The following FILIP1L variants were observed in gnomAD, a reference collection of about 807,000 sequenced individuals.
FILIP1L encodes the protein filamin A interacting protein 1 like.
A neutral mutation model predicts 96.6 loss-of-function variants in FILIP1L; 55 were observed. That is an observed-to-expected ratio of 0.57 (90% CI 0.46 to 0.71). FILIP1L has a LOEUF of 0.71. Ranked by LOEUF, FILIP1L falls within the 30% of genes least tolerant of loss-of-function variation. FILIP1L has a pLI of 0.00. For synonymous variants in FILIP1L, 467 were observed against 473.9 expected, an observed-to-expected ratio of 0.99 and a Z score of 0.19; for missense variants, 1,304 against 1,321.2, an observed-to-expected ratio of 0.99 and a Z score of 0.20.
At chr3:99,924,047 CA>C (rs1707208981) in intron 4 of FILIP1L, among the ~76,000 whole-genome samples, 182 bp downstream of exon 4, 1 of 152,240 alleles carries the variant, frequency 6.6e-6, no homozygotes, top group South Asian at 2.1e-4. Flanking sequence ...GTCCTTATCA[CA>C]CATCTGGTTA....
chr3:100,103,683 G>T (rs918165050), intron 1 of FILIP1L, among the ~76,000 whole-genome samples: 3 of 152,146 alleles, frequency 2.0e-5, no homozygotes, highest in Admixed American at 6.5e-5. Flanking sequence ...GCCATGGAAT[G>T]GTCTCTTCCA....
intron 1 of FILIP1L, among the ~76,000 whole-genome samples, chr3:99,983,145 G>T (rs2107735325): frequency 6.6e-6 from 1 of 151,586 alleles, no homozygotes; most frequent in South Asian, 2.1e-4. Flanking sequence ...CTTGCCTTAA[G>T]TGCCATTTGA....
intron 1 of FILIP1L, among the ~76,000 whole-genome samples, chr3:99,961,634 C>T (rs991167100): frequency 2.0e-4 from 30 of 152,144 alleles, no homozygotes; most frequent in African/African-American, 5.3e-4. Context: ...TCCTGGGAAC[C>T]GATACCTTTG....
At chr3:100,072,689 G>A (rs375279025) in intron 1 of FILIP1L, among the ~76,000 whole-genome samples, 22 of 152,296 alleles carry the variant, frequency 1.4e-4, no homozygotes, top group African/African-American at 5.3e-4. Context: ...CTTGAACACA[G>A]CTGAAATACA....
intron 1 of FILIP1L, among the ~76,000 whole-genome samples, chr3:99,969,728 A>C (rs1708759692): frequency 6.6e-6 from 1 of 152,150 alleles, no homozygotes; most frequent in Non-Finnish European, 1.5e-5. Flanking sequence ...CTAGATAATT[A>C]GTTGCAGGGT....
At chr3:99,938,210 TC>T (rs1050953242) in intron 1 of FILIP1L, among the ~76,000 whole-genome samples, 9 of 152,238 alleles carry the variant, frequency 5.9e-5, no homozygotes, top group Non-Finnish European at 1.0e-4. Flanking sequence ...TGATCTGCTA[TC>T]CCTCACCCCC....
chr3:100,094,691 T>C (rs2066172187), intron 1 of FILIP1L, among the ~76,000 whole-genome samples: 1 of 136,908 alleles, frequency 7.3e-6, no homozygotes, highest in Non-Finnish European at 1.6e-5. Context: ...TTTTTTTTTT[T>C]TTTTTTTTTT....
At chr3:99,835,696 A>G (rs1355082435) in intron 5 of FILIP1L, among the ~76,000 whole-genome samples, 1 of 152,234 alleles carries the variant, frequency 6.6e-6, no homozygotes, top group South Asian at 2.1e-4. Flanking sequence ...AAGGAGTTCA[A>G]AAATAAATGA....
intron 5 of FILIP1L, chr3:99,833,312 C>A: frequency 6.7e-7 from 1 of 1,490,318 alleles, no homozygotes; most frequent in East Asian, 2.3e-5. Flanking sequence ...ATATTAAATT[C>A]TAAAAGTGTT....
At chr3:99,886,443 A>G (rs1283441294) in intron 4 of FILIP1L, among the ~76,000 whole-genome samples, 2 of 152,018 alleles carry the variant, frequency 1.3e-5, no homozygotes, top group African/African-American at 2.4e-5. Flanking sequence ...AAAAAATCTC[A>G]TGTTTTAAGA....
intron 4 of FILIP1L, among the ~76,000 whole-genome samples, chr3:99,865,090 T>C (rs1944449212): frequency 6.6e-6 from 1 of 152,194 alleles, no homozygotes; most frequent in Non-Finnish European, 1.5e-5. Context: ...AACTAAGCAA[T>C]AGACATATAG....
At chr3:99,919,364 C>CT (rs1312545826) in intron 4 of FILIP1L, among the ~76,000 whole-genome samples, 1 of 149,870 alleles carries the variant, frequency 6.7e-6, no homozygotes, top group Non-Finnish European at 1.5e-5. Flanking sequence ...ACACAATGAA[C>CT]AAATATTCAG....
At chr3:99,904,170 C>G (rs924086501) in intron 4 of FILIP1L, among the ~76,000 whole-genome samples, 3 of 152,292 alleles carry the variant, frequency 2.0e-5, no homozygotes, top group South Asian at 4.1e-4. Context: ...TATTATTGCT[C>G]TTAATGATAA....
chr3:99,933,593 C>A (rs1041541244), intron 1 of FILIP1L, among the ~76,000 whole-genome samples: 15 of 152,076 alleles, frequency 9.9e-5, no homozygotes, highest in African/African-American at 1.4e-4. Context: ...ATTGTATTTT[C>A]TTGAACACCT....
intron 1 of FILIP1L, among the ~76,000 whole-genome samples, chr3:100,044,439 T>C (rs2065249967): frequency 6.6e-6 from 1 of 152,078 alleles, no homozygotes; most frequent in Admixed American, 6.5e-5. Flanking sequence ...GCTCAAAGAA[T>C]GAGTAGGAGT....
intron 1 of FILIP1L, among the ~76,000 whole-genome samples, chr3:99,943,845 A>C (rs190931260): frequency 5.1e-4 from 78 of 152,310 alleles, no homozygotes; most frequent in Non-Finnish European, 1.0e-4. Context: ...GCCGAGTTAT[A>C]ATCTTACTTC....
chr3:100,057,227 C>T (rs918206093), intron 1 of FILIP1L, among the ~76,000 whole-genome samples: 6 of 152,154 alleles, frequency 3.9e-5, no homozygotes, highest in African/African-American at 1.4e-4. Flanking sequence ...AGACCCGTCC[C>T]GTTCTAATAT....
chr3:99,959,015 AT>A (rs1417762586), intron 1 of FILIP1L, among the ~76,000 whole-genome samples: 1 of 152,282 alleles, frequency 6.6e-6, no homozygotes, highest in East Asian at 1.9e-4. Flanking sequence ...TTGTTCCTTC[AT>A]TTTTTTAATC....
Position 99,930,900 on chromosome 3 carries a change from G to C in FILIP1L, c.121C>G (p.Pro41Ala), listed in dbSNP as rs756479525. 1.2e-6 allele frequency: 2 copies of C among 1,613,380 alleles called. No homozygotes were observed. Among genetic ancestry groups the C allele is most frequent in the Non-Finnish European group, 1.7e-6 (2 of 1,179,846 alleles). Reference protein sequence around the residue: ...MKHRQQDKDSPSESDVILPCP... With the variant: ...MKHRQQDKDSASESDVILPCP... ...GGAAGTATTACATCCGACTCACTGG[G>C]GGAGTCTTTGTCTTGCTGTCTATGC... Residue 41 changes from proline (P) to alanine (A), a missense_variant, in exon 2 of 6, where the codon CCC (proline) becomes GCC (alanine). By Grantham distance (27) the Pro-to-Ala change is conservative (BLOSUM62 -1). Transcript: ENST00000477258.
Sources: allele counts gnomAD v4.1 joint callset (sites outside exome capture counted in the v4.1 genomes callset), GRCh38; gene constraint gnomAD v4.1.1; transcripts MANE v1.5; gene names NCBI Gene and HGNC (gene_info 2026-07-23, HGNC 2026-07-21).